Variants in FSTL4 observed in about 807,000 individuals in gnomAD.
FSTL4 encodes follistatin-related protein 4.
A neutral mutation model predicts 78.2 loss-of-function variants in FSTL4; 28 were observed. The observed-to-expected ratio is 0.36, with a 90% CI of 0.27 to 0.49. The LOEUF is 0.49. Ranked by LOEUF, FSTL4 falls within the 20% of genes least tolerant of loss-of-function variation. The pLI is 0.98. For synonymous variants in FSTL4, 422 were observed against 440.5 expected, an observed-to-expected ratio of 0.96 and a Z score of 0.53; for missense variants, 922 against 1,084.9, an observed-to-expected ratio of 0.85 and a Z score of 2.11.
At chr5:133,410,097 C>G (rs1490703524) in intron 3 of FSTL4, among the ~76,000 whole-genome samples, 2 of 152,154 alleles carry the variant, frequency 1.3e-5, no homozygotes, top group African/African-American at 4.8e-5. Context: ...TCTCAACCGG[C>G]TTTTGAAGGG....
At chr5:133,219,657 C>T (rs970359574) in intron 12 of FSTL4, among the ~76,000 whole-genome samples, 16 of 152,214 alleles carry the variant, frequency 1.1e-4, no homozygotes, top group African/African-American at 3.6e-4. Flanking sequence ...TGGGATCATT[C>T]CCCAGCTCAC....
chr5:133,623,971 G>T, the FSTL4 span, among the ~76,000 whole-genome samples: 1 of 151,980 alleles, frequency 6.6e-6, no homozygotes, highest in African/African-American at 2.4e-5. Context: ...TGTTGGTGAG[G>T]ATATGAATCA....
At chr5:133,830,192 G>A in the FSTL4 span, among the ~76,000 whole-genome samples, 3 of 152,214 alleles carry the variant, frequency 2.0e-5, no homozygotes, top group South Asian at 2.1e-4. Context: ...GCTCAGACTT[G>A]AGTACCCCAG....
rs547477458 is a variant in FSTL4 at position 133,512,920 on chromosome 5, C to T, written c.160+54266G>A. Among the ~76,000 whole-genome samples, 31 of 152,230 alleles carry T rather than the reference C, an allele frequency of 2.0e-4. 1 individual carries two copies. The Middle Eastern group carries it at 0.01, about 50-fold the overall frequency. On this transcript the variant is annotated intron_variant, in intron 3 of 15. Transcript: ENST00000265342. Reference sequence around the variant, plus strand: ...GCAACCTCCACTTTCCAGGTTCAAGCGATTCTCATGCCTTAGCCTCTTGAG... The same window carrying T: ...GCAACCTCCACTTTCCAGGTTCAAGTGATTCTCATGCCTTAGCCTCTTGAG...
At chr5:133,356,703 A>T (rs1302090262) in intron 4 of FSTL4, among the ~76,000 whole-genome samples, 1 of 152,238 alleles carries the variant, frequency 6.6e-6, no homozygotes, top group Non-Finnish European at 1.5e-5. Context: ...CTTAAAGGGA[A>T]AAAAAGCATG....
chr5:133,333,361 C>G (rs1379875752), intron 4 of FSTL4, among the ~76,000 whole-genome samples: 1 of 152,254 alleles, frequency 6.6e-6, no homozygotes, highest in Non-Finnish European at 1.5e-5. Flanking sequence ...TTGTGCCCCA[C>G]ATTCTTGTTT....
chr5:133,648,777 C>T, the FSTL4 span, among the ~76,000 whole-genome samples: 3 of 152,130 alleles, frequency 2.0e-5, no homozygotes, highest in Non-Finnish European at 4.4e-5. Context: ...TTTCTACATA[C>T]CCCCACCTCC....
intron 6 of FSTL4, among the ~76,000 whole-genome samples, chr5:133,261,625 G>A (rs1752523546): frequency 6.6e-6 from 1 of 152,184 alleles, no homozygotes; most frequent in Admixed American, 6.5e-5. Flanking sequence ...GGGAGGCTGA[G>A]GTGGGTGGAT....
intron 3 of FSTL4, among the ~76,000 whole-genome samples, chr5:133,498,998 T>TACAAAC (rs1758429757): frequency 6.8e-6 from 1 of 146,992 alleles, no homozygotes; most frequent in African/African-American, 2.5e-5. Flanking sequence ...AGCAACAAAT[T>TACAAAC]ACACACACAC....
At chr5:133,359,952 G>C (rs992285481) in intron 4 of FSTL4, among the ~76,000 whole-genome samples, 12 of 152,192 alleles carry the variant, frequency 7.9e-5, no homozygotes, top group Admixed American at 5.2e-4. Context: ...TGGCAGACCA[G>C]GGAGCCAGTA....
chr5:133,651,892 A>G, the FSTL4 span, among the ~76,000 whole-genome samples: 1 of 152,132 alleles, frequency 6.6e-6, no homozygotes. Flanking sequence ...GATAGAATTC[A>G]CCTGTCATCC....
At chr5:133,467,891 G>A (rs976087917) in intron 3 of FSTL4, among the ~76,000 whole-genome samples, 3 of 152,104 alleles carry the variant, frequency 2.0e-5, no homozygotes, top group African/African-American at 4.8e-5. Flanking sequence ...TGAAACACTC[G>A]GGTGGTTTAA....
chr5:133,300,801 G>T (rs6859098), intron 6 of FSTL4, among the ~76,000 whole-genome samples: 2 of 152,000 alleles, frequency 1.3e-5, no homozygotes, highest in Non-Finnish European at 2.9e-5. Context: ...TTATTTGTGG[G>T]AGCTGAGAAG....
In FSTL4 at chr5:133,543,911, C is replaced by G. The variant is rs1331612551; in HGVS notation, c.160+23275G>C. Among the ~76,000 whole-genome samples the G allele has an allele frequency of 4.6e-5, 7 of 152,122 alleles. No homozygotes were observed. In the South Asian group the frequency reaches 8.3e-4, roughly 18 times the overall value. On this transcript the variant is annotated intron_variant, in intron 3 of 15. Transcript: ENST00000265342. ...TTCTCACTTCATTTATTGTCTACTA[C>G]TAAACTTGAAAGTTATGCTTTGTTA...
At chr5:133,552,995 G>A (rs935865453) in intron 3 of FSTL4, among the ~76,000 whole-genome samples, 1 of 152,202 alleles carries the variant, frequency 6.6e-6, no homozygotes, top group Non-Finnish European at 1.5e-5. Context: ...CAGGGCAAGC[G>A]ACCTCTGGGT....
chr5:133,676,109 G>A, the FSTL4 span, among the ~76,000 whole-genome samples: 1 of 152,218 alleles, frequency 6.6e-6, no homozygotes, highest in South Asian at 2.1e-4. Flanking sequence ...GATTTAAGAG[G>A]CGTCGTTAGA....
the FSTL4 span, among the ~76,000 whole-genome samples, chr5:133,658,602 ATTG>A: frequency 1.3e-5 from 2 of 151,776 alleles, no homozygotes; most frequent in African/African-American, 4.8e-5. Flanking sequence ...TTCATTTCCC[ATTG>A]TTGTTATTTT....
chr5:133,267,415 T>TCCACAGC (rs1752667831), intron 6 of FSTL4, among the ~76,000 whole-genome samples: 1 of 152,134 alleles, frequency 6.6e-6, no homozygotes, highest in Admixed American at 6.5e-5. Context: ...CACGCTCATA[T>TCCACAGC]CCACAGCCGC....
intron 3 of FSTL4, among the ~76,000 whole-genome samples, chr5:133,494,212 A>C (rs999641083): frequency 6.6e-6 from 1 of 152,216 alleles, no homozygotes; most frequent in Non-Finnish European, 1.5e-5. Context: ...CAGCAGAAAG[A>C]AAAAAGAAAA....
Sources: allele counts gnomAD v4.1 joint callset (sites outside exome capture counted in the v4.1 genomes callset), GRCh38; gene constraint gnomAD v4.1.1; transcripts MANE v1.5; gene names NCBI Gene and HGNC (gene_info 2026-07-23, HGNC 2026-07-21).